Variants in HIBCH observed in about 807,000 individuals in gnomAD.
HIBCH encodes 3-hydroxyisobutyryl-CoA hydrolase.
A neutral mutation model predicts 58.2 loss-of-function variants in HIBCH; 50 were observed. The observed-to-expected ratio is 0.86, with a 90% CI of 0.68 to 1.09. The LOEUF is 1.09. Among genes scored for constraint, HIBCH ranks in the 50% least tolerant of loss-of-function variants. HIBCH has a pLI of 0.00. For missense variants in HIBCH, 450 were observed against 449.7 expected (o/e 1.00, Z -0.01); for synonymous variants, 151 against 146.9 (o/e 1.03, Z -0.20).
chr2:190,241,354 T>C (rs866312336), intron 11 of HIBCH, among the ~76,000 whole-genome samples: 32 of 152,318 alleles, frequency 2.1e-4, no homozygotes, highest in African/African-American at 6.0e-4. Context: ...TGAACCTATA[T>C]GTGTCTTTGC....
At chr2:190,242,053 T>C (rs1358933060) in intron 11 of HIBCH, among the ~76,000 whole-genome samples, 1 of 152,120 alleles carries the variant, frequency 6.6e-6, no homozygotes, top group Non-Finnish European at 1.5e-5. Flanking sequence ...TATCCTGAAG[T>C]GTGTTTTAAC....
Position 190,319,740 on chromosome 2 carries a change from C to A in HIBCH, c.11G>T (p.Arg4Leu), listed in dbSNP as rs749741622. 6.2e-7 allele frequency: 1 copy of A among 1,612,940 alleles called. No individual in the cohort carries two copies. The change falls in exon 1 of 14, where the codon CGC (arginine) becomes CTC (leucine). Residue 4 changes from arginine (R) to leucine (L), a missense_variant. Transcript: ENST00000359678. ...CCTCGACATGAGCCTCCACATCTCG[C>A]GCTGCCCCATCGCCAAACACTCCGA... MGQREMWRLMSRFN... is the reference protein window; with the variant it reads MGQLEMWRLMSRFN...
chr2:190,247,835 T>A (rs923949575), intron 9 of HIBCH, among the ~76,000 whole-genome samples: 9 of 152,190 alleles, frequency 5.9e-5, no homozygotes, highest in African/African-American at 2.2e-4. Context: ...ATCATTAGTA[T>A]TTTTAGCTAA....
chr2:190,298,836 T>A (rs1374234374), intron 2 of HIBCH, among the ~76,000 whole-genome samples: 2 of 152,242 alleles, frequency 1.3e-5, no homozygotes, highest in Non-Finnish European at 2.9e-5. Flanking sequence ...ATATCCTGAA[T>A]GGTACTGCCT....
In HIBCH at chr2:190,206,219, C is replaced by T. The variant is rs1163657076; in HGVS notation, c.1046-987G>A. 6.6e-6 allele frequency among the ~76,000 whole-genome samples: 1 copy of T among 152,104 alleles called. No homozygotes were observed. The highest frequency in any genetic ancestry group is 2.4e-5 in the African/African-American group (1 of 41,404). ...TTTTACATACAATTAAATGCAGATA[C>T]GGGAGGTTTGTTTTTAAGATTTAAC... On this transcript the variant is annotated intron_variant, in intron 13 of 13. Coordinates refer to ENST00000359678, the MANE Select transcript of HIBCH (RefSeq NM_014362.4). The surrounding 1 kb of genome is among the most constrained non-coding windows in gnomAD (Gnocchi z 5.1).
At chr2:190,290,718 A>G (rs1687937520) in intron 4 of HIBCH, among the ~76,000 whole-genome samples, 2 of 152,162 alleles carry the variant, frequency 1.3e-5, no homozygotes, top group African/African-American at 4.8e-5. Flanking sequence ...GCTTCTTACA[A>G]AATGTTAGAT....
Position 190,205,186 on chromosome 2 carries a change from T to G in HIBCH, c.1092A>C (p.Leu364=), listed in dbSNP as rs1690360013. The change falls in exon 14 of 14, where the codon CTA becomes CTC. Residue 364 remains leucine, a synonymous_variant. Coordinates refer to ENST00000359678, the MANE Select transcript of HIBCH (RefSeq NM_014362.4). ...DQSPKWKPAD[L]KEVTEEDLNN... is the part of the protein sequence containing the mutation. Reference sequence around the variant, plus strand: ...TCAAATCTTCCTCAGTAACTTCTTTTAGATCAGCTGGTTTCCATTTTGGAC... The same window carrying G: ...TCAAATCTTCCTCAGTAACTTCTTTGAGATCAGCTGGTTTCCATTTTGGAC... 1 of 1,611,004 alleles carries G rather than the reference T, an allele frequency of 6.2e-7. No homozygotes were observed. The highest frequency in any genetic ancestry group is 8.5e-7 in the Non-Finnish European group (1 of 1,177,532).
intron 2 of HIBCH, among the ~76,000 whole-genome samples, chr2:190,301,055 G>A (rs964835341): frequency 2.0e-5 from 3 of 152,192 alleles, no homozygotes; most frequent in Non-Finnish European, 2.9e-5. Context: ...AGGGGCATAA[G>A]CCATAAGAAA....
At chr2:190,273,704 TAA>T (rs34435266) in intron 6 of HIBCH, among the ~76,000 whole-genome samples, 1 of 151,566 alleles carries the variant, frequency 6.6e-6, no homozygotes, top group Non-Finnish European at 1.5e-5. Context: ...CCAGTTTTTT[TAA>T]AAAAAAAAGA....
chr2:190,313,730 C>T (rs1457262189), intron 1 of HIBCH, among the ~76,000 whole-genome samples: 2 of 148,800 alleles, frequency 1.3e-5, no homozygotes, highest in Admixed American at 6.7e-5. Context: ...TTAAATCAAA[C>T]TCTGGAGGTG....
At chr2:190,253,591 C>T (rs1196598541) in intron 7 of HIBCH, among the ~76,000 whole-genome samples, 1 of 152,140 alleles carries the variant, frequency 6.6e-6, no homozygotes, top group African/African-American at 2.4e-5. Flanking sequence ...CATCAGTGAC[C>T]ACATCTTATT....
At chr2:190,313,935 G>A (rs1444951386) in intron 1 of HIBCH, among the ~76,000 whole-genome samples, 4 of 152,104 alleles carry the variant, frequency 2.6e-5, no homozygotes, top group South Asian at 2.1e-4. Context: ...AAAACACCAC[G>A]TCTAAAATGT....
In HIBCH at chr2:190,296,902, C is replaced by CA; in HGVS notation, c.129_130insT (p.Gly44TrpfsTer20). ...TTTAGTGTTATGACTCCCGTGCAAC[C>CA]TTTTTTTTCCAATAGCACCTCTTCT... On this transcript the variant is annotated frameshift_variant, in exon 3 of 14. Coordinates refer to ENST00000359678, the MANE Select transcript of HIBCH (RefSeq NM_014362.4). LOFTEE classifies it high-confidence loss of function. 1 of 1,607,372 alleles carries CA rather than the reference C, an allele frequency of 6.2e-7. No homozygotes were observed. The highest frequency in any genetic ancestry group is 8.5e-7 in the Non-Finnish European group (1 of 1,174,154).
chr2:190,263,335 A>G (rs1396059957), intron 6 of HIBCH, among the ~76,000 whole-genome samples: 3 of 152,224 alleles, frequency 2.0e-5, no homozygotes, highest in Non-Finnish European at 2.9e-5. Context: ...TAGCTCAGTA[A>G]TATTTGACAG....
chr2:190,211,809 T>C lies in HIBCH; in HGVS notation c.1011+1147A>G, dbSNP rs1178733244. ...GAAAATAAAGGACTGTGTCTTCTTA[T>C]TCAACAATATAAGGCTAACACTGAG... On this transcript the variant is annotated intron_variant, in intron 12 of 13. Transcript: ENST00000359678. This position sits in a 1 kb window ranked among gnomAD's most constrained non-coding sequence, Gnocchi z 5.0. 2.6e-5 allele frequency among the ~76,000 whole-genome samples: 4 copies of C among 152,248 alleles called. No individual in the cohort carries two copies. In the East Asian group the frequency reaches 7.7e-4, roughly 29 times the overall value.
chr2:190,310,456 A>C (rs1053539970), intron 2 of HIBCH, among the ~76,000 whole-genome samples: 1 of 152,106 alleles, frequency 6.6e-6, no homozygotes, highest in Non-Finnish European at 1.5e-5. Flanking sequence ...TATTATTATT[A>C]TTCTCACTTT....
intron 2 of HIBCH, among the ~76,000 whole-genome samples, chr2:190,299,791 A>T (rs1688213815): frequency 1.3e-5 from 2 of 151,976 alleles, no homozygotes; most frequent in Non-Finnish European, 2.9e-5. Flanking sequence ...CCCAACAGTT[A>T]TTTTTTTCTG....
At chr2:190,234,001 T>C (rs1309773124) in intron 11 of HIBCH, among the ~76,000 whole-genome samples, 1 of 151,988 alleles carries the variant, frequency 6.6e-6, no homozygotes, top group Non-Finnish European at 1.5e-5. Context: ...CTACTAAAAA[T>C]GCAAAATTAG....
rs1016527208 is a variant in HIBCH, at chr2:190,279,107, G to C, written c.438+8479C>G. On this transcript the variant is annotated intron_variant, in intron 6 of 13. Coordinates refer to ENST00000359678, the MANE Select transcript of HIBCH (RefSeq NM_014362.4). The surrounding 1 kb of genome is among the most constrained non-coding windows in gnomAD (Gnocchi z 4.2). The stretch of plus-strand genomic sequence containing the variant: ...CTTGCTGGTGGGGACTCTCTGCAGA[G>C]CCCTGATCTGGTGAAGGGGCAAGAG... 6.6e-6 allele frequency among the ~76,000 whole-genome samples: 1 copy of C among 152,182 alleles called. No individual in the cohort carries two copies. Among genetic ancestry groups the C allele is most frequent in the Non-Finnish European group, 1.5e-5 (1 of 68,032 alleles).
Sources: gnomAD v4.1 joint callset for allele counts (sites outside exome capture counted in the v4.1 genomes callset) on GRCh38, gnomAD v4.1.1 for gene constraint, Gnocchi (gnomAD v3.1) non-coding constraint, MANE v1.5 for transcripts, NCBI Gene and HGNC (gene_info 2026-07-23, HGNC 2026-07-21) for gene names.